E2F3: variants seen among roughly 807,000 people sequenced by gnomAD.
The protein encoded by E2F3 is E2F transcription factor 3.
A neutral mutation model predicts 44.4 loss-of-function variants in E2F3; 11 were observed. The observed-to-expected ratio is 0.25, with a 90% confidence interval of 0.16 to 0.41. The LOEUF (loss-of-function observed/expected upper bound fraction) is 0.41. Ranked by LOEUF, E2F3 falls within the 10% of genes least tolerant of loss-of-function variation. The probability of loss-of-function intolerance (pLI) is 1.00; values close to 1 mark genes in which losing one functional copy is unlikely to be tolerated. For missense variants in E2F3, 487 were observed against 583.6 expected, an observed-to-expected ratio of 0.83 and a Z score of 1.70; for synonymous variants, 249 against 253.0, an observed-to-expected ratio of 0.98 and a Z score of 0.15.
At chr6:20,408,101 T>C (rs1031485162) in intron 1 of E2F3, among the ~76,000 whole-genome samples, 1 of 152,270 alleles carries the variant, frequency 6.6e-6, no homozygotes, top group African/African-American at 2.4e-5. Flanking sequence ...GTATTCACGA[T>C]TGCTAAAAAG....
intron 1 of E2F3, among the ~76,000 whole-genome samples, chr6:20,478,148 G>A (rs1204980631): frequency 6.6e-6 from 1 of 152,114 alleles, no homozygotes; most frequent in African/African-American, 2.4e-5. Flanking sequence ...GCAGTGAGCT[G>A]AGATCACACC....
chr6:20,420,438 G>GGTGTGT (rs35566563), intron 1 of E2F3, among the ~76,000 whole-genome samples: 148 of 148,982 alleles, frequency 9.9e-4, no homozygotes, highest in African/African-American at 3.5e-3. Flanking sequence ...GGCTTTCTCT[G>GGTGTGT]GTGTGTGTGT....
Position 20,464,239 on chromosome 6 carries a change from ACCTTGAAACTGCCTTGAAAT to A in E2F3, c.394-15606_394-15587del, listed in dbSNP as rs1761626011. 3.3e-5 allele frequency among the ~76,000 whole-genome samples: 5 copies of A among 152,224 alleles called. No individual in the cohort carries two copies. In the South Asian group the frequency reaches 1.0e-3, roughly 32 times the overall value. ...TGATCAGATGGGCTGTTGTCTGTTCACCTTGAAACTGCCTTGAAATGCATCATAAACACAGCAGCTCTTTG... is the reference window on the plus strand; with the variant it reads ...TGATCAGATGGGCTGTTGTCTGTTCAGCATCATAAACACAGCAGCTCTTTG... On this transcript the variant is annotated intron_variant, in intron 1 of 6. Transcript: ENST00000346618.
intron 1 of E2F3, among the ~76,000 whole-genome samples, chr6:20,418,782 A>C (rs999347894): frequency 1.3e-5 from 2 of 151,392 alleles, no homozygotes; most frequent in African/African-American, 2.4e-5. Context: ...ACTGTCATTC[A>C]CCCACCCAGG....
chr6:20,406,093 T>C (rs1472514153), intron 1 of E2F3, among the ~76,000 whole-genome samples: 3 of 152,056 alleles, frequency 2.0e-5, no homozygotes, highest in African/African-American at 7.2e-5. Context: ...GTGGCCAGAG[T>C]TGCAGACCTA....
intron 1 of E2F3, among the ~76,000 whole-genome samples, chr6:20,419,588 G>A (rs1759957721): frequency 6.6e-6 from 1 of 151,774 alleles, no homozygotes; most frequent in East Asian, 1.9e-4. Flanking sequence ...TTTTGAGATG[G>A]AGTCTTGCTC....
At chr6:20,424,429 A>G (rs112452261) in intron 1 of E2F3, among the ~76,000 whole-genome samples, 1 of 151,272 alleles carries the variant, frequency 6.6e-6, no homozygotes, top group Admixed American at 6.6e-5. Flanking sequence ...ACATGCATGT[A>G]TGTGCTGTGT....
rs76985100 is a variant in E2F3, at chr6:20,456,313, T to TA, written c.394-23517dup. Among the ~76,000 whole-genome samples the TA allele has an allele frequency of 7.6e-3, 1,040 of 137,054 alleles. 25 individuals carry two copies. Among genetic ancestry groups the TA allele is most frequent in the Admixed American group, 0.058 (799 of 13,768 alleles). 89.9% of individuals were successfully genotyped at this position (137,054 alleles called of 152,430 possible). On this transcript the variant is annotated intron_variant, in intron 1 of 6. Transcript: ENST00000346618. The stretch of plus-strand genomic sequence containing the variant: ...CTTGCCATTCCTCCAGTCCCCCAGT[T>TA]AAAAAAAAAAAAAAAATTAGGTTCT...
rs1276568132 is a variant in E2F3, at chr6:20,482,334, G to GT, written c.726-421dup. Reference sequence around the variant, plus strand: ...TTTTTGATGCTTTTTTGGATGGGTTGTTTTTTTGTTTTTTTTTTTTTTTAA... The same window carrying GT: ...TTTTTGATGCTTTTTTGGATGGGTTGTTTTTTTTGTTTTTTTTTTTTTTTAA... On this transcript the variant is annotated intron_variant, in intron 3 of 6. Coordinates refer to ENST00000346618, the MANE Select transcript of E2F3 (RefSeq NM_001949.5). Among the ~76,000 whole-genome samples the GT allele has an allele frequency of 2.7e-4, 31 of 116,964 alleles. No homozygotes were observed. The East Asian group carries it at 3.0e-3, about 11-fold the overall frequency. The allele number at this position is 116,964 out of a possible 152,430, so 76.7% of individuals were successfully genotyped here.
chr6:20,428,459 G>A (rs1250437908), intron 1 of E2F3, among the ~76,000 whole-genome samples: 2 of 152,186 alleles, frequency 1.3e-5, no homozygotes, highest in Non-Finnish European at 2.9e-5. Flanking sequence ...TTGACCTCAA[G>A]TGATCCACCT....
chr6:20,437,298 A>C (rs1760619631), intron 1 of E2F3, among the ~76,000 whole-genome samples: 1 of 152,336 alleles, frequency 6.6e-6, no homozygotes, highest in East Asian at 1.9e-4. Context: ...ATTTAAAAGA[A>C]GTAGTTTTTG....
intron 1 of E2F3, among the ~76,000 whole-genome samples, chr6:20,426,601 G>A (rs1250357026): frequency 6.6e-6 from 1 of 152,180 alleles, no homozygotes; most frequent in African/African-American, 2.4e-5. Context: ...TCCACCTAGT[G>A]TCATTGTGGG....
In E2F3 at chr6:20,492,800, A is replaced by G. The variant is rs1245719347; in HGVS notation, c.*2370A>G. The G allele has an allele frequency of 4.4e-6, 1 of 227,682 alleles. No individual in the cohort carries two copies. The highest frequency in any genetic ancestry group is 8.7e-6 in the Non-Finnish European group (1 of 114,456). The allele number at this position is 227,682 out of a possible 1,614,324, so 14.1% of individuals were successfully genotyped here. On this transcript the variant is annotated 3_prime_UTR_variant, in exon 7 of 7. Coordinates refer to ENST00000346618, the MANE Select transcript of E2F3 (RefSeq NM_001949.5). ...TACATTAATTAGATGTCCATACTGT[A>G]TTTTGTTTGCATTAAGTAATTTTCT...
At chr6:20,481,463 G>A (rs539269037) in intron 3 of E2F3, 38 bp downstream of exon 3, 1 of 1,595,610 alleles carries the variant, frequency 6.3e-7, no homozygotes, top group Admixed American at 1.7e-5. Flanking sequence ...GCTCTGAGGG[G>A]GTCGTTTCAA....
chr6:20,421,190 C>A (rs1760015358), intron 1 of E2F3, among the ~76,000 whole-genome samples: 1 of 152,190 alleles, frequency 6.6e-6, no homozygotes, highest in Non-Finnish European at 1.5e-5. Flanking sequence ...AAGTCTTGAA[C>A]CCCTGTCATC....
intron 1 of E2F3, among the ~76,000 whole-genome samples, chr6:20,411,326 A>T (rs1049071903): frequency 6.6e-6 from 1 of 152,260 alleles, no homozygotes; most frequent in East Asian, 1.9e-4. Flanking sequence ...GTGTGTGTAT[A>T]TCAAGGCAGG....
At chr6:20,420,188 G>A (rs1759978191) in intron 1 of E2F3, among the ~76,000 whole-genome samples, 1 of 152,068 alleles carries the variant, frequency 6.6e-6, no homozygotes, top group African/African-American at 2.4e-5. Context: ...TATGTGTCAG[G>A]GATAGTTTTA....
In E2F3 at chr6:20,490,346, C is replaced by T. The variant is rs759036504; in HGVS notation, c.1314C>T (p.Leu438=). 18 of 1,613,322 alleles carry T rather than the reference C, an allele frequency of 1.1e-5. No individual in the cohort carries two copies. Among genetic ancestry groups the T allele is most frequent in the Admixed American group, 3.3e-5 (2 of 59,854 alleles). Residue 438 remains leucine, a synonymous_variant, in exon 7 of 7, where the codon CTC becomes CTT. Transcript: ENST00000346618. This position sits in a 1 kb window ranked among gnomAD's most constrained non-coding sequence, Gnocchi z 4.3. ...PLLQEDYLLS[L]GEEEGISDLF... ...TGCAAGAGGACTATCTCCTGAGCCT[C>T]GGGGAGGAGGAAGGCATCAGCGATC... is the stretch of plus-strand genomic sequence containing the variant.
intron 1 of E2F3, among the ~76,000 whole-genome samples, chr6:20,410,767 CGCCACCACGCCCA>C (rs1759645966): frequency 6.6e-6 from 1 of 152,142 alleles, no homozygotes; most frequent in Non-Finnish European, 1.5e-5. Flanking sequence ...TACAGGTGTG[CGCCACCACGCCCA>C]GCTAATTTTA....
Sources: allele counts gnomAD v4.1 joint callset (sites outside exome capture counted in the v4.1 genomes callset), GRCh38; gene constraint gnomAD v4.1.1; non-coding constraint Gnocchi (gnomAD v3.1); transcripts MANE v1.5; gene names NCBI Gene and HGNC (gene_info 2026-07-23, HGNC 2026-07-21).